Variants in PCBP3 observed in about 807,000 individuals in gnomAD.
PCBP3 encodes the protein poly(rC) binding protein 3, also known as poly(rC)-binding protein 3.
In PCBP3, 25 loss-of-function variants were observed where a neutral mutation model predicts 52.7. The observed-to-expected ratio is 0.47, with a 90% CI of 0.35 to 0.66. The LOEUF (loss-of-function observed/expected upper bound fraction) is 0.66, where lower values mean the gene tolerates loss of function less well. PCBP3 is among the 30% of genes least tolerant of loss of function. The pLI is 0.01. For synonymous variants in PCBP3, 162 were observed against 183.0 expected (o/e 0.89, Z 0.93); for missense variants, 391 against 490.3 (o/e 0.80, Z 1.91).
intron 4 of PCBP3, among the ~76,000 whole-genome samples, chr21:45,799,727 G>A (rs1050395496): frequency 5.3e-5 from 8 of 152,122 alleles, no homozygotes; most frequent in South Asian, 4.1e-4. Flanking sequence ...ACGCGTCCAC[G>A]GCAGGGCCAC....
intron 5 of PCBP3, among the ~76,000 whole-genome samples, chr21:45,891,173 C>T (rs564756114): frequency 3.9e-5 from 6 of 152,282 alleles, no homozygotes; most frequent in East Asian, 3.9e-4. Flanking sequence ...ATAGTGGAAC[C>T]GCCGTGCCGC....
chr21:45,816,346 TAGCTTA>T (rs2092953930), intron 4 of PCBP3, among the ~76,000 whole-genome samples: 1 of 152,060 alleles, frequency 6.6e-6, no homozygotes, highest in African/African-American at 2.4e-5. Flanking sequence ...TAATAACGCT[TAGCTTA>T]AAACACAAAC....
intron 3 of PCBP3, chr21:45,750,234 C>T (rs1267321441): frequency 6.6e-6 from 1 of 152,348 alleles, no homozygotes; most frequent in Admixed American, 6.5e-5. Flanking sequence ...AATAAACCAT[C>T]TGCAAGAAGC....
chr21:45,862,070 A>C (rs2094530932), intron 5 of PCBP3, among the ~76,000 whole-genome samples: 1 of 147,528 alleles, frequency 6.8e-6, no homozygotes, highest in Non-Finnish European at 1.5e-5. Context: ...GGACCCTGCT[A>C]GTTTTCTTGA....
intron 2 of PCBP3, among the ~76,000 whole-genome samples, chr21:45,716,361 G>A (rs185045899): frequency 9.1e-4 from 139 of 152,254 alleles, no homozygotes; most frequent in Non-Finnish European, 1.4e-3. Flanking sequence ...ATTATACCCT[G>A]AATTAGTCTG....
At chr21:45,938,332 G>A (rs1022271408) in intron 16 of PCBP3, among the ~76,000 whole-genome samples, 10 of 152,334 alleles carry the variant, frequency 6.6e-5, no homozygotes, top group Admixed American at 2.0e-4. Context: ...GGGGCAGTGC[G>A]AAAGCCCAGG....
intron 4 of PCBP3, among the ~76,000 whole-genome samples, chr21:45,816,079 A>AGTG (rs2092941315): frequency 2.0e-5 from 2 of 98,714 alleles, no homozygotes; most frequent in Non-Finnish European, 4.3e-5. Context: ...GTGAGTGGTG[A>AGTG]GTGATGAGTG....
intron 2 of PCBP3, among the ~76,000 whole-genome samples, chr21:45,721,456 GTGAGTATT>G (rs2084637224): frequency 6.6e-6 from 1 of 150,790 alleles, no homozygotes; most frequent in Non-Finnish European, 1.5e-5. Flanking sequence ...AGGGCTGACC[GTGAGTATT>G]TGAGGAGACC....
rs2085831876 is a variant in PCBP3, at chr21:45,735,866, G to A, written c.-162+437G>A. ...GCCTGTGTGTGCGGTGGCCATGATG[G>A]CACCACAATGTCTGAAGCCACACAG... On this transcript the variant is annotated intron_variant, in intron 3 of 17. Coordinates refer to ENST00000681687, the MANE Select transcript of PCBP3 (RefSeq NM_001384156.1). The surrounding 1 kb of genome is among the most constrained non-coding windows in gnomAD (Gnocchi z 4.0). Among the ~76,000 whole-genome samples, 1 of 152,166 alleles carries A rather than the reference G, an allele frequency of 6.6e-6. No individual in the cohort carries two copies. Among genetic ancestry groups the A allele is most frequent in the Non-Finnish European group, 1.5e-5 (1 of 68,024 alleles).
At chr21:45,683,959 G>A (rs1332981100) in intron 2 of PCBP3, among the ~76,000 whole-genome samples, 5 of 151,184 alleles carry the variant, frequency 3.3e-5, no homozygotes, top group Non-Finnish European at 7.4e-5. Context: ...AGGTGTTGCT[G>A]GGCATGGTGG....
chr21:45,738,497 A>G (rs2086067299), intron 3 of PCBP3, among the ~76,000 whole-genome samples: 1 of 152,108 alleles, frequency 6.6e-6, no homozygotes, highest in Non-Finnish European at 1.5e-5. Flanking sequence ...CTCGTGATCC[A>G]CACGCCTCGG....
At position 45,800,054 on chromosome 21, in the gene PCBP3, C is replaced by T. The variant is rs966977017; in HGVS notation, c.-126+44602C>T. On this transcript the variant is annotated intron_variant, in intron 4 of 17. Coordinates refer to ENST00000681687, the MANE Select transcript of PCBP3 (RefSeq NM_001384156.1). This position sits in a 1 kb window ranked among gnomAD's most constrained non-coding sequence, Gnocchi z 5.3. Reference sequence around the variant, plus strand: ...ACAGCTTGTTCTCTCACTGTGAGAACCACCCAGTGATGGTTCTTGTGCTGT... The same window carrying T: ...ACAGCTTGTTCTCTCACTGTGAGAATCACCCAGTGATGGTTCTTGTGCTGT... 1.3e-5 allele frequency among the ~76,000 whole-genome samples: 2 copies of T among 152,160 alleles called. No homozygotes were observed. Among genetic ancestry groups the T allele is most frequent in the African/African-American group, 4.8e-5 (2 of 41,438 alleles).
chr21:45,900,472 C>G (rs2096002409), intron 7 of PCBP3, 119 bp from the exon 8 acceptor site: 1 of 738,878 alleles, frequency 1.4e-6, no homozygotes, highest in East Asian at 2.5e-5. Flanking sequence ...TCCTCCAGCA[C>G]AGGCAGGAGG....
intron 4 of PCBP3, among the ~76,000 whole-genome samples, chr21:45,816,028 GGTGAGTGGTGA>G (rs1430697259): frequency 1.5e-5 from 2 of 137,766 alleles, no homozygotes; most frequent in Admixed American, 7.2e-5. Flanking sequence ...AGTAGTGAGT[GGTGAGTGGTGA>G]GTGAGTGGTG....
intron 4 of PCBP3, among the ~76,000 whole-genome samples, chr21:45,835,574 A>G (rs892616606): frequency 6.6e-6 from 1 of 152,086 alleles, no homozygotes; most frequent in African/African-American, 2.4e-5. Context: ...CAAACCTAAT[A>G]TGCCTCAGCA....
intron 2 of PCBP3, among the ~76,000 whole-genome samples, chr21:45,726,178 G>A (rs1187326657): frequency 1.3e-5 from 2 of 152,114 alleles, no homozygotes; most frequent in Non-Finnish European, 2.9e-5. Context: ...GACGTGGGGA[G>A]GGTCAGGTCC....
In PCBP3 at chr21:45,837,691, A is replaced by C. The variant is rs2093620257; in HGVS notation, c.-125-12270A>C. 1.3e-5 allele frequency among the ~76,000 whole-genome samples: 2 copies of C among 152,148 alleles called. No homozygotes were observed. The highest frequency in any genetic ancestry group is 6.5e-5 in the Admixed American group (1 of 15,282). Reference sequence around the variant, plus strand: ...GTAGGTCTGAGGTGCGATTCCACTCAGATTTATTTTTCCTGTGAGGCGAGC... The same window carrying C: ...GTAGGTCTGAGGTGCGATTCCACTCCGATTTATTTTTCCTGTGAGGCGAGC... On this transcript the variant is annotated intron_variant, in intron 4 of 17. Coordinates refer to ENST00000681687, the MANE Select transcript of PCBP3 (RefSeq NM_001384156.1). The surrounding 1 kb of genome is among the most constrained non-coding windows in gnomAD (Gnocchi z 4.1).
At position 45,877,424 on chromosome 21, in the gene PCBP3, A is replaced by T. The variant is rs974222320; in HGVS notation, c.11-18784A>T. ...TTACTAGCATTCTGTTGATTTGAAT[A>T]TTTTTTTAAAAAAAGAGTAACTGGC... On this transcript the variant is annotated intron_variant, in intron 5 of 17. Coordinates refer to ENST00000681687, the MANE Select transcript of PCBP3 (RefSeq NM_001384156.1). Among the ~76,000 whole-genome samples the T allele has an allele frequency of 2.0e-5, 3 of 152,192 alleles. No individual in the cohort carries two copies. The East Asian group carries it at 5.8e-4, about 29-fold the overall frequency.
At chr21:45,909,718 CACTGCCCAGATACAGACCTGG>C in intron 10 of PCBP3, among the ~76,000 whole-genome samples, 3 of 149,846 alleles carry the variant, frequency 2.0e-5, no homozygotes, top group African/African-American at 7.4e-5. Flanking sequence ...CCCGGCCACC[CACTGCCCAGATACAGACCTGG>C]CCCACCCACT....
Sources: gnomAD v4.1 joint callset for allele counts (sites outside exome capture counted in the v4.1 genomes callset) on GRCh38, gnomAD v4.1.1 for gene constraint, Gnocchi (gnomAD v3.1) non-coding constraint, MANE v1.5 for transcripts, NCBI Gene and HGNC (gene_info 2026-07-23, HGNC 2026-07-21) for gene names.